The following PPM1H variants were observed in gnomAD, a reference collection of about 807,000 sequenced individuals.
PPM1H encodes protein phosphatase, Mg2+/Mn2+ dependent 1H.
Under a neutral mutation model 54.9 loss-of-function variants are expected in PPM1H, and 27 were observed. That is an observed-to-expected ratio of 0.49 (90% CI 0.36 to 0.68). The LOEUF (loss-of-function observed/expected upper bound fraction) is 0.68, where lower values mean the gene tolerates loss of function less well. Ranked by LOEUF, PPM1H falls within the 30% of genes least tolerant of loss-of-function variation. PPM1H has a pLI of 0.00. For synonymous variants in PPM1H, 305 were observed against 270.8 expected, an observed-to-expected ratio of 1.13 and a Z score of -1.24; for missense variants, 596 against 667.8, an observed-to-expected ratio of 0.89 and a Z score of 1.19.
intron 2 of PPM1H, among the ~76,000 whole-genome samples, chr12:62,829,977 C>T: frequency 6.6e-6 from 1 of 152,168 alleles, no homozygotes; most frequent in East Asian, 1.9e-4. Flanking sequence ...CTTTCCAAGC[C>T]CTTTCCCATA....
At chr12:62,821,375 C>T (rs2120815374) in intron 2 of PPM1H, among the ~76,000 whole-genome samples, 1 of 152,330 alleles carries the variant, frequency 6.6e-6, no homozygotes, top group South Asian at 2.1e-4. Context: ...AGAACTTCCC[C>T]AGCCTAGCAA....
chr12:62,869,676 C>A (rs2120998932), intron 1 of PPM1H, among the ~76,000 whole-genome samples: 1 of 152,358 alleles, frequency 6.6e-6, no homozygotes, highest in Middle Eastern at 3.4e-3. Context: ...CTTGCAAGGA[C>A]TTCTCAATGC....
chr12:62,837,129 C>G (rs1414776683), intron 1 of PPM1H, among the ~76,000 whole-genome samples: 1 of 152,160 alleles, frequency 6.6e-6, no homozygotes, highest in Non-Finnish European at 1.5e-5. Context: ...TTGTGAAATA[C>G]TCTAGTCAAT....
intron 4 of PPM1H, among the ~76,000 whole-genome samples, chr12:62,786,151 G>C (rs995948964): frequency 3.9e-5 from 6 of 152,164 alleles, no homozygotes; most frequent in Admixed American, 3.3e-4. Flanking sequence ...CATCCACTCG[G>C]TCTTACTCAA....
At chr12:62,693,027 G>A (rs750103595) in intron 7 of PPM1H, among the ~76,000 whole-genome samples, 9 of 151,494 alleles carry the variant, frequency 5.9e-5, no homozygotes, top group South Asian at 4.2e-4. Flanking sequence ...AAAAACTATC[G>A]TATCGAATGC....
At chr12:62,773,952 C>A (rs998844825) in intron 4 of PPM1H, among the ~76,000 whole-genome samples, 3 of 152,160 alleles carry the variant, frequency 2.0e-5, no homozygotes, top group Non-Finnish European at 4.4e-5. Flanking sequence ...CCTAACCTAA[C>A]AAGATTGAAG....
At chr12:62,918,109 T>C (rs1052748183) in intron 1 of PPM1H, among the ~76,000 whole-genome samples, 1 of 152,196 alleles carries the variant, frequency 6.6e-6, no homozygotes, top group African/African-American at 2.4e-5. Context: ...AAGGGCTAAG[T>C]CGATGACCTA....
chr12:62,896,336 T>G (rs954174534), intron 1 of PPM1H, among the ~76,000 whole-genome samples: 3 of 152,150 alleles, frequency 2.0e-5, no homozygotes, highest in Admixed American at 6.5e-5. Context: ...GAGAAAATTT[T>G]TGCAATCTAC....
intron 4 of PPM1H, among the ~76,000 whole-genome samples, chr12:62,774,763 A>G (rs933789862): frequency 1.3e-5 from 2 of 152,214 alleles, no homozygotes; most frequent in African/African-American, 4.8e-5. Context: ...CAAACTGTTC[A>G]TGGATAAAGA....
intron 9 of PPM1H, among the ~76,000 whole-genome samples, chr12:62,659,674 CA>C (rs1319633227): frequency 6.6e-6 from 1 of 152,194 alleles, no homozygotes; most frequent in African/African-American, 2.4e-5. Context: ...AATCAAACGA[CA>C]AAAGCCCCTA....
intron 1 of PPM1H, among the ~76,000 whole-genome samples, chr12:62,916,354 A>G (rs1871622128): frequency 6.6e-6 from 1 of 152,194 alleles, no homozygotes; most frequent in Admixed American, 6.5e-5. Context: ...CTATCAAACC[A>G]TTTAATAACA....
Position 62,792,177 on chromosome 12 carries a change from A to G in PPM1H, c.757-3839T>C, listed in dbSNP as rs145879768. 3.2e-3 allele frequency among the ~76,000 whole-genome samples: 480 copies of G among 152,342 alleles called. 5 individuals are homozygous for G. Among genetic ancestry groups the G allele is most frequent in the African/African-American group, 0.01 (422 of 41,580 alleles). On this transcript the variant is annotated intron_variant, in intron 3 of 9. Coordinates refer to ENST00000228705, the MANE Select transcript of PPM1H (RefSeq NM_020700.2). ...TTCTATCACAAGAAATTCTGCTTAG[A>G]AAATTATGTAATGCTTAGGGGAAAA...
intron 4 of PPM1H, among the ~76,000 whole-genome samples, chr12:62,752,961 G>A (rs2076450100): frequency 6.6e-6 from 1 of 152,184 alleles, no homozygotes; most frequent in African/African-American, 2.4e-5. Context: ...TTTGAATTTG[G>A]GGCATATGTG....
At chr12:62,649,705 G>T (rs1284432115) in intron 9 of PPM1H, among the ~76,000 whole-genome samples, 2 of 152,200 alleles carry the variant, frequency 1.3e-5, no homozygotes, top group Non-Finnish European at 2.9e-5. Context: ...CCCTGTGTAG[G>T]CCTGCCTGCA....
chr12:62,773,149 A>AAAAACAAAACAAAACAAAAC (rs376689900), intron 4 of PPM1H, among the ~76,000 whole-genome samples: 7 of 151,942 alleles, frequency 4.6e-5, no homozygotes, highest in African/African-American at 1.7e-4. Flanking sequence ...TCCGTCTCAA[A>AAAAACAAAACAAAACAAAAC]AAAACAAAAC....
At chr12:62,795,440 A>AATATAT (rs151199970) in intron 3 of PPM1H, among the ~76,000 whole-genome samples, 1 of 148,948 alleles carries the variant, frequency 6.7e-6, no homozygotes, top group East Asian at 2.0e-4. Flanking sequence ...CCCCAGATAA[A>AATATAT]ATATATATAT....
At chr12:62,922,605 A>C (rs1287303211) in intron 1 of PPM1H, among the ~76,000 whole-genome samples, 1 of 152,224 alleles carries the variant, frequency 6.6e-6, no homozygotes, top group Non-Finnish European at 1.5e-5. Flanking sequence ...GAAAGAAAAT[A>C]CAGCTAGGCA....
chr12:62,834,334 A>C (rs1409000713), intron 1 of PPM1H, among the ~76,000 whole-genome samples: 1 of 152,160 alleles, frequency 6.6e-6, no homozygotes, highest in Non-Finnish European at 1.5e-5. Flanking sequence ...TAAAATGTAA[A>C]TATTAGGGAC....
At chr12:62,763,906 G>A (rs1331708440) in intron 4 of PPM1H, among the ~76,000 whole-genome samples, 1 of 152,148 alleles carries the variant, frequency 6.6e-6, no homozygotes, top group Non-Finnish European at 1.5e-5. Context: ...AACATGTGGG[G>A]TGAGCTTTGA....
Sources: allele counts gnomAD v4.1 joint callset (sites outside exome capture counted in the v4.1 genomes callset), GRCh38; gene constraint gnomAD v4.1.1; transcripts MANE v1.5; gene names NCBI Gene and HGNC (gene_info 2026-07-23, HGNC 2026-07-21).